The following SGCD variants were observed in gnomAD, a reference collection of about 807,000 sequenced individuals.
SGCD encodes the protein delta-sarcoglycan.
SGCD carries 18 observed loss-of-function variants against 36.6 expected under a neutral mutation model. The ratio of observed to expected loss-of-function variants is 0.49; its 90% CI spans 0.34 to 0.73. SGCD has a LOEUF of 0.73. SGCD is among the 30% of genes least tolerant of loss of function. SGCD has a pLI of 0.01. For missense variants in SGCD, 387 were observed against 346.7 expected, an observed-to-expected ratio of 1.12 and a Z score of -0.92; for synonymous variants, 133 against 130.6, an observed-to-expected ratio of 1.02 and a Z score of -0.12.
chr5:155,968,857 G>T (rs1278321474), intron 1 of SGCD, among the ~76,000 whole-genome samples: 3 of 152,072 alleles, frequency 2.0e-5, no homozygotes, highest in African/African-American at 7.2e-5. Flanking sequence ...TTACAGGAAT[G>T]AACATATATT....
At chr5:156,050,602 T>A (rs1305163778) in intron 1 of SGCD, among the ~76,000 whole-genome samples, 1 of 146,238 alleles carries the variant, frequency 6.8e-6, no homozygotes, top group African/African-American at 2.5e-5. Flanking sequence ...AAACCATAGT[T>A]TCCTATGGCT....
intron 2 of SGCD, among the ~76,000 whole-genome samples, chr5:156,119,866 G>A (rs1230090779): frequency 6.6e-6 from 1 of 152,066 alleles, no homozygotes; most frequent in Admixed American, 6.6e-5. Context: ...TCTGCCATCA[G>A]AGCAACCACT....
At chr5:156,426,548 C>T (rs1773679148) in intron 3 of SGCD, among the ~76,000 whole-genome samples, 2 of 152,052 alleles carry the variant, frequency 1.3e-5, no homozygotes, top group African/African-American at 4.8e-5. Context: ...TTTTGCTGTG[C>T]AGAAGCTTTT....
intron 3 of SGCD, among the ~76,000 whole-genome samples, chr5:156,204,805 G>A (rs1764235367): frequency 6.6e-6 from 1 of 152,190 alleles, no homozygotes; most frequent in East Asian, 1.9e-4. Context: ...GAAATAGCAA[G>A]ATGTAAGTCG....
At chr5:156,041,551 A>C (rs930032161) in intron 1 of SGCD, among the ~76,000 whole-genome samples, 1 of 152,178 alleles carries the variant, frequency 6.6e-6, no homozygotes, top group African/African-American at 2.4e-5. Context: ...AACAGGATTG[A>C]AGTTATTCAT....
At chr5:156,152,535 A>C (rs1335458603) in intron 3 of SGCD, among the ~76,000 whole-genome samples, 1 of 151,730 alleles carries the variant, frequency 6.6e-6, no homozygotes, top group East Asian at 1.9e-4. Context: ...AAGACTTAGT[A>C]TAAAAAATAT....
At chr5:156,726,809 A>G (rs1418176693) in intron 7 of SGCD, among the ~76,000 whole-genome samples, 3 of 152,204 alleles carry the variant, frequency 2.0e-5, no homozygotes, top group African/African-American at 4.8e-5. Context: ...AAGTGTAATC[A>G]GTGCTGATGT....
chr5:156,277,391 G>T (rs548642043), intron 3 of SGCD, among the ~76,000 whole-genome samples: 1 of 152,034 alleles, frequency 6.6e-6, no homozygotes, highest in Non-Finnish European at 1.5e-5. Flanking sequence ...AAGTTTTGCC[G>T]ATGGTTAGTA....
chr5:156,598,856 T>G (rs1761047566), intron 6 of SGCD, among the ~76,000 whole-genome samples: 2 of 152,316 alleles, frequency 1.3e-5, no homozygotes, highest in Non-Finnish European at 1.5e-5. Context: ...TGGGAAATGA[T>G]TATAGGTTTT....
chr5:156,320,392 T>C (rs1009192104), intron 3 of SGCD, among the ~76,000 whole-genome samples: 4 of 152,176 alleles, frequency 2.6e-5, no homozygotes, highest in African/African-American at 9.7e-5. Flanking sequence ...TCAATAAATT[T>C]TATTTCCAAA....
chr5:156,422,692 T>G (rs903264775), intron 3 of SGCD, among the ~76,000 whole-genome samples: 2 of 152,174 alleles, frequency 1.3e-5, no homozygotes. Context: ...TAGGTAACTC[T>G]GTTGTGGTAC....
chr5:155,816,539 A>C, the SGCD span, among the ~76,000 whole-genome samples: 1 of 152,208 alleles, frequency 6.6e-6, no homozygotes, highest in Non-Finnish European at 1.5e-5. Flanking sequence ...GGAGTGGAAG[A>C]AGCAGAAGAA....
At chr5:156,052,169 G>A (rs1759936014) in intron 1 of SGCD, among the ~76,000 whole-genome samples, 1 of 146,168 alleles carries the variant, frequency 6.8e-6, no homozygotes, top group African/African-American at 2.5e-5. Context: ...GAGGGGCCAG[G>A]CTGCCCTCTG....
chr5:155,965,361 TC>T (rs1213510912), intron 1 of SGCD, among the ~76,000 whole-genome samples: 1 of 152,116 alleles, frequency 6.6e-6, no homozygotes, highest in Non-Finnish European at 1.5e-5. Flanking sequence ...CCTGGTCCTC[TC>T]CCAGCTCCTT....
At chr5:156,285,421 C>T (rs1766567814) in intron 3 of SGCD, among the ~76,000 whole-genome samples, 1 of 152,184 alleles carries the variant, frequency 6.6e-6, no homozygotes, top group Non-Finnish European at 1.5e-5. Flanking sequence ...TGACTTCAAA[C>T]AATACTACAC....
chr5:156,541,037 G>A (rs1049401946), intron 4 of SGCD, among the ~76,000 whole-genome samples: 1 of 152,134 alleles, frequency 6.6e-6, no homozygotes, highest in African/African-American at 2.4e-5. Flanking sequence ...CTTATGAAAG[G>A]TATCTCTGAG....
chr5:155,828,939 G>A, the SGCD span, among the ~76,000 whole-genome samples: 2 of 151,798 alleles, frequency 1.3e-5, no homozygotes, highest in Non-Finnish European at 2.9e-5. Context: ...TGCCCACCTC[G>A]GCCTCCCAAA....
intron 7 of SGCD, among the ~76,000 whole-genome samples, chr5:156,670,602 G>A (rs1237912861): frequency 1.3e-5 from 2 of 152,164 alleles, no homozygotes; most frequent in East Asian, 3.9e-4. Context: ...TGGGAGTTTA[G>A]AGGAACAAGC....
At chr5:156,169,262 A>G (rs1376420832) in intron 3 of SGCD, among the ~76,000 whole-genome samples, 1 of 152,224 alleles carries the variant, frequency 6.6e-6, no homozygotes, top group East Asian at 1.9e-4. Flanking sequence ...TACAGTACTC[A>G]GGCCTCCTCT....
Sources: gnomAD v4.1 joint callset for allele counts (sites outside exome capture counted in the v4.1 genomes callset) on GRCh38, gnomAD v4.1.1 for gene constraint, MANE v1.5 for transcripts, NCBI Gene and HGNC (gene_info 2026-07-23, HGNC 2026-07-21) for gene names.